The following PLG variants were observed in gnomAD, a reference collection of about 807,000 sequenced individuals.
PLG encodes plasminogen.
In PLG, 41 loss-of-function variants were observed where a neutral mutation model predicts 104.4. The observed-to-expected ratio is 0.39, with a 90% CI of 0.31 to 0.51. PLG has a LOEUF of 0.51. Among genes scored for constraint, PLG ranks in the 20% least tolerant of loss-of-function variants. The probability of loss-of-function intolerance (pLI) is 0.76; values close to 1 mark genes in which losing one functional copy is unlikely to be tolerated. For missense variants in PLG, 891 were observed against 1,003.6 expected, an observed-to-expected ratio of 0.89 and a Z score of 1.52; for synonymous variants, 337 against 357.1, an observed-to-expected ratio of 0.94 and a Z score of 0.63.
intron 3 of PLG, among the ~76,000 whole-genome samples, chr6:160,710,600 C>G (rs748996194): frequency 2.6e-5 from 4 of 152,062 alleles, no homozygotes; most frequent in Admixed American, 6.5e-5. Context: ...TCACTGGGAG[C>G]CTGAAGAAAT....
chr6:160,721,646 C>T (rs1277949861), intron 9 of PLG, among the ~76,000 whole-genome samples: 2 of 152,202 alleles, frequency 1.3e-5, no homozygotes, highest in Non-Finnish European at 2.9e-5. Context: ...TCGGCTGTTT[C>T]TTGTTACTGA....
intron 17 of PLG, among the ~76,000 whole-genome samples, chr6:160,745,976 G>A (rs761224606): frequency 5.3e-5 from 8 of 152,106 alleles, no homozygotes; most frequent in Non-Finnish European, 1.0e-4. Context: ...TAGCTTGTAC[G>A]GGTTCAGTTG....
chr6:160,729,517 A>G (rs1301134527), intron 10 of PLG, among the ~76,000 whole-genome samples: 1 of 152,238 alleles, frequency 6.6e-6, no homozygotes, highest in Non-Finnish European at 1.5e-5. Context: ...ATAATTTGTG[A>G]TCTATTCATA....
Position 160,704,530 on chromosome 6 carries a change from G to C in PLG, c.50-1877G>C, listed in dbSNP as rs140565136. The stretch of plus-strand genomic sequence containing the variant: ...TTGAAGTCACACTGTGAGCTATATA[G>C]AATTAACCAAAACACAACTCTTCTT... On this transcript the variant is annotated intron_variant, in intron 1 of 18. Coordinates refer to ENST00000308192, the MANE Select transcript of PLG (RefSeq NM_000301.5). 1.4e-4 allele frequency among the ~76,000 whole-genome samples: 21 copies of C among 152,332 alleles called. No individual in the cohort carries two copies. The East Asian group carries it at 3.9e-3, about 28-fold the overall frequency.
rs1181895857 is a variant in PLG, at chr6:160,724,014, T to C, written c.1256+1447T>C. On this transcript the variant is annotated intron_variant, in intron 10 of 18. Coordinates refer to ENST00000308192, the MANE Select transcript of PLG (RefSeq NM_000301.5). The surrounding 1 kb of genome is among the most constrained non-coding windows in gnomAD (Gnocchi z 5.0). ...TGATTGCCAGAAGAAAATTCAACCC[T>C]TTAGAGGCAAACAACAAAATCAAGT... Among the ~76,000 whole-genome samples, 1 of 152,178 alleles carries C rather than the reference T, an allele frequency of 6.6e-6. No individual in the cohort carries two copies. The highest frequency in any genetic ancestry group is 2.4e-5 in the African/African-American group (1 of 41,450).
At chr6:160,718,237 C>T (rs572068997) in intron 7 of PLG, 57 bp from the exon 8 acceptor site, 19 of 1,458,092 alleles carry the variant, frequency 1.3e-5, no homozygotes, top group East Asian at 4.6e-5. Flanking sequence ...GGCGACAGAG[C>T]GAGACTCCGT....
At chr6:160,706,737 A>C in intron 2 of PLG, 195 bp downstream of exon 2, 1 of 619,490 alleles carries the variant, frequency 1.6e-6, no homozygotes, top group Non-Finnish European at 2.9e-6. Flanking sequence ...TTAGAAAAAT[A>C]CCCTCAAAGG....
chr6:160,727,255 A>G (rs1777934468), intron 10 of PLG, among the ~76,000 whole-genome samples: 1 of 151,836 alleles, frequency 6.6e-6, no homozygotes, highest in Non-Finnish European at 1.5e-5. Flanking sequence ...AACCAATCTG[A>G]TATCTATTAA....
chr6:160,711,265 C>T (rs1235922607), intron 4 of PLG, 74 bp downstream of exon 4: 49 of 1,395,382 alleles, frequency 3.5e-5, no homozygotes, highest in Middle Eastern at 3.5e-4. Flanking sequence ...GGATTGGTTC[C>T]AGGACCCCTG....
intron 17 of PLG, among the ~76,000 whole-genome samples, chr6:160,751,880 C>T (rs547526056): frequency 6.6e-6 from 1 of 152,278 alleles, no homozygotes; most frequent in East Asian, 1.9e-4. Context: ...AAAGAAACAA[C>T]AACCAACCCC....
rs1582944155 is a variant in PLG, at chr6:160,731,359, T to C, written c.1438+127T>C. On this transcript the variant is annotated intron_variant, in intron 11 of 18. Transcript: ENST00000308192. This position sits in a 1 kb window ranked among gnomAD's most constrained non-coding sequence, Gnocchi z 5.1. ...AAGTGTTTTTAGAGGGTCTGCCATG[T>C]GGAAGGAAGCCTCAGTGCACTCTCT... 1.8e-5 allele frequency: 16 copies of C among 882,978 alleles called. No homozygotes were observed. In the East Asian group the frequency reaches 4.2e-4, roughly 23 times the overall value. The allele number at this position is 882,978 out of a possible 1,614,324, so 54.7% of individuals were successfully genotyped here. A position where few individuals can be genotyped will look rare whatever the true frequency, so the allele number is the denominator to read the frequency against.
At chr6:160,722,278 C>G in intron 9 of PLG, 130 bp from the exon 10 acceptor site, 5 of 646,310 alleles carry the variant, frequency 7.7e-6, no homozygotes, top group Non-Finnish European at 8.4e-6. Context: ...TTATGTTAAT[C>G]TGTCTGCTAA....
Position 160,723,294 on chromosome 6 carries a change from G to A in PLG, c.1256+727G>A, listed in dbSNP as rs570981587. ...GCAGGATACGCAGATGCTGAACAGC[G>A]AAAGAGGCCATTAGATGAACAGAAA... is the stretch of plus-strand genomic sequence containing the variant. On this transcript the variant is annotated intron_variant, in intron 10 of 18. Coordinates refer to ENST00000308192, the MANE Select transcript of PLG (RefSeq NM_000301.5). The surrounding 1 kb of genome is among the most constrained non-coding windows in gnomAD (Gnocchi z 4.7). Among the ~76,000 whole-genome samples, 7 of 152,220 alleles carry A rather than the reference G, an allele frequency of 4.6e-5. No individual in the cohort carries two copies. Among genetic ancestry groups the A allele is most frequent in the African/African-American group, 9.6e-5 (4 of 41,552 alleles).
chr6:160,722,441 G>A lies in PLG; in HGVS notation c.1130G>A (p.Cys377Tyr). ...GAGCTAACCCCTGTGGTCCAGGACT[G>A]CTACCATGGTGATGGACAGAGCTAC... The part of the protein sequence containing the change: ...PPELTPVVQD[C>Y]YHGDGQSYRG... The change falls in exon 10 of 19, where the codon TGC (cysteine) becomes TAC (tyrosine). Residue 377 changes from cysteine (C) to tyrosine (Y), a missense_variant. By Grantham distance (194) the Cys-to-Tyr change is radical (BLOSUM62 -2). This residue lies in a region of PLG where 854 missense variants were observed against 932.1 expected (regional missense o/e 0.92). Coordinates refer to ENST00000308192, the MANE Select transcript of PLG (RefSeq NM_000301.5). The A allele has an allele frequency of 6.2e-7, 1 of 1,612,700 alleles. No homozygotes were observed. Among genetic ancestry groups the A allele is most frequent in the Non-Finnish European group, 8.5e-7 (1 of 1,178,842 alleles).
chr6:160,750,390 T>G (rs576383781), intron 17 of PLG, among the ~76,000 whole-genome samples: 36 of 152,316 alleles, frequency 2.4e-4, no homozygotes, highest in African/African-American at 7.0e-4. Flanking sequence ...TACTCACAGA[T>G]TGCATCAATT....
rs1778077205 is a variant in PLG at position 160,735,887 on chromosome 6, C to T, written c.1682-1000C>T. On this transcript the variant is annotated intron_variant, in intron 13 of 18. Transcript: ENST00000308192. This position sits in a 1 kb window ranked among gnomAD's most constrained non-coding sequence, Gnocchi z 5.4. ...GAAGATGATTGCATTCTATGCCTTG[C>T]TTCTTTTTTTAAAAAAAGGCTTCCA... is the stretch of plus-strand genomic sequence containing the variant. Among the ~76,000 whole-genome samples the T allele has an allele frequency of 6.6e-6, 1 of 152,010 alleles. No homozygotes were observed. Among genetic ancestry groups the T allele is most frequent in the Non-Finnish European group, 1.5e-5 (1 of 68,006 alleles).
At chr6:160,749,714 TACC>T (rs1464501169) in intron 17 of PLG, among the ~76,000 whole-genome samples, 21 of 148,762 alleles carry the variant, frequency 1.4e-4, no homozygotes, top group South Asian at 4.3e-4. Flanking sequence ...TAATTATGAT[TACC>T]ACCACCATTA....
Position 160,738,948 on chromosome 6 carries a change from T to C in PLG, c.1878-120T>C, listed in dbSNP as rs1293567951. 6.7e-6 allele frequency: 8 copies of C among 1,199,044 alleles called. No homozygotes were observed. Among genetic ancestry groups the C allele is most frequent in the African/African-American group, 3.0e-5 (2 of 66,328 alleles). The allele number at this position is 1,199,044 out of a possible 1,614,324, so 74.3% of individuals were successfully genotyped here. On this transcript the variant is annotated intron_variant, in intron 15 of 18. Coordinates refer to ENST00000308192, the MANE Select transcript of PLG (RefSeq NM_000301.5). This position sits in a 1 kb window ranked among gnomAD's most constrained non-coding sequence, Gnocchi z 6.8. ...AATCATGAATTTTGCTTCTTGCCAC[T>C]CAGAAGTCACTAATTCTGAGTGGCC...
In PLG at chr6:160,722,511, T is replaced by G. The variant is rs1383332152; in HGVS notation, c.1200T>G (p.Ser400=). 1.2e-5 allele frequency: 20 copies of G among 1,613,818 alleles called. No homozygotes were observed. The South Asian group carries it at 1.5e-4, about 12-fold the overall frequency. Reference sequence around the variant, plus strand: ...CCACCACAGGAAAGAAGTGTCAGTCTTGGTCATCTATGACACCACACCGGC... The same window carrying G: ...CCACCACAGGAAAGAAGTGTCAGTCGTGGTCATCTATGACACCACACCGGC... ...STTTTGKKCQ[S]WSSMTPHRHQ... The change falls in exon 10 of 19, where the codon TCT becomes TCG. Residue 400 remains serine, a synonymous_variant. Coordinates refer to ENST00000308192, the MANE Select transcript of PLG (RefSeq NM_000301.5).
Sources: gnomAD v4.1 joint callset for allele counts (sites outside exome capture counted in the v4.1 genomes callset) on GRCh38, gnomAD v4.1.1 for gene constraint, gnomAD v4.1.1 regional missense constraint, Gnocchi (gnomAD v3.1) non-coding constraint, MANE v1.5 for transcripts, NCBI Gene and HGNC (gene_info 2026-07-23, HGNC 2026-07-21) for gene names.